Variants in IDE observed in about 807,000 individuals in gnomAD.
IDE encodes the protein insulin degrading enzyme.
In IDE, 58 loss-of-function variants were observed where a neutral mutation model predicts 133.2. The ratio of observed to expected loss-of-function variants is 0.44; its 90% confidence interval spans 0.35 to 0.54. The LOEUF is 0.54. Among genes scored for constraint, IDE ranks in the 20% least tolerant of loss-of-function variants. The probability of loss-of-function intolerance (pLI) is 0.00; values close to 1 mark genes in which losing one functional copy is unlikely to be tolerated. For synonymous variants in IDE, 396 were observed against 421.3 expected, an observed-to-expected ratio of 0.94 and a Z score of 0.73; for missense variants, 981 against 1,234.0, an observed-to-expected ratio of 0.79 and a Z score of 3.07.
chr10:92,516,948 T>C (rs1268903865), intron 4 of IDE, among the ~76,000 whole-genome samples: 1 of 152,230 alleles, frequency 6.6e-6, no homozygotes, highest in Admixed American at 6.5e-5. Context: ...GAAATTCCAA[T>C]GATCGGTGTC....
intron 1 of IDE, among the ~76,000 whole-genome samples, chr10:92,565,234 ACT>A (rs1284846594): frequency 1.4e-5 from 2 of 144,708 alleles, no homozygotes; most frequent in African/African-American, 2.5e-5. Context: ...ACAGAGCGAG[ACT>A]CTGTCTCAGA....
chr10:92,540,261 A>C lies in IDE; in HGVS notation c.99-2711T>G, dbSNP rs548551455. Among the ~76,000 whole-genome samples, 7 of 152,274 alleles carry C rather than the reference A, an allele frequency of 4.6e-5. No homozygotes were observed. In the East Asian group the frequency reaches 1.3e-3, roughly 29 times the overall value. On this transcript the variant is annotated intron_variant, in intron 1 of 24. Transcript: ENST00000265986. ...CTCCGTCTCAAAAGAAAAAAAAAAAAAACAGTTCTGGTTAAGACATTTGGC... is the reference window on the plus strand; with the variant it reads ...CTCCGTCTCAAAAGAAAAAAAAAAACAACAGTTCTGGTTAAGACATTTGGC...
At chr10:92,462,507 G>T (rs2135332839) in intron 21 of IDE, among the ~76,000 whole-genome samples, 1 of 152,186 alleles carries the variant, frequency 6.6e-6, no homozygotes, top group Admixed American at 6.5e-5. Context: ...TACTTGGGAG[G>T]CTGAGGCAGA....
chr10:92,514,168 T>G (rs760020777), intron 5 of IDE, among the ~76,000 whole-genome samples: 1 of 152,162 alleles, frequency 6.6e-6, no homozygotes, highest in Non-Finnish European at 1.5e-5. Flanking sequence ...CTTTTAAGAC[T>G]GATACTGTTA....
At chr10:92,456,308 A>T (rs1220500624) in intron 23 of IDE, 51 bp downstream of exon 23, 2 of 1,307,550 alleles carry the variant, frequency 1.5e-6, no homozygotes. Context: ...GACAAAGGCC[A>T]ACCATCAGAT....
At chr10:92,485,083 A>G (rs912430449) in intron 13 of IDE, among the ~76,000 whole-genome samples, 1 of 151,250 alleles carries the variant, frequency 6.6e-6, no homozygotes, top group African/African-American at 2.4e-5. Flanking sequence ...GTGTGAGATA[A>G]TAATTGTTGT....
intron 1 of IDE, among the ~76,000 whole-genome samples, chr10:92,571,663 T>C (rs1023505332): frequency 8.5e-5 from 13 of 152,220 alleles, no homozygotes; most frequent in East Asian, 1.9e-4. Flanking sequence ...TGTAAATGGA[T>C]TGATCTTACA....
At chr10:92,515,872 A>T (rs987621800) in intron 4 of IDE, among the ~76,000 whole-genome samples, 1 of 149,302 alleles carries the variant, frequency 6.7e-6, no homozygotes, top group Non-Finnish European at 1.5e-5. Context: ...AAAGTGTCTT[A>T]TAAAAATTAT....
chr10:92,545,232 T>C lies in IDE; in HGVS notation c.99-7682A>G, dbSNP rs548592286. On this transcript the variant is annotated intron_variant, in intron 1 of 24. Transcript: ENST00000265986. ...ACACTTCTTCTATTTCAACATTGTA[T>C]TGGTAGTTCTAACCAGTCCAAATAA... is the stretch of plus-strand genomic sequence containing the variant. Among the ~76,000 whole-genome samples, 13 of 152,244 alleles carry C rather than the reference T, an allele frequency of 8.5e-5. No homozygotes were observed. In the East Asian group the frequency reaches 2.1e-3, roughly 25 times the overall value.
intron 22 of IDE, among the ~76,000 whole-genome samples, chr10:92,459,035 T>C (rs1845205556): frequency 6.6e-6 from 1 of 152,156 alleles, no homozygotes; most frequent in Non-Finnish European, 1.5e-5. Context: ...CCAAAATGGG[T>C]CAAATCTCAT....
At chr10:92,516,349 C>T (rs981339151) in intron 4 of IDE, among the ~76,000 whole-genome samples, 8 of 151,840 alleles carry the variant, frequency 5.3e-5, no homozygotes, top group African/African-American at 1.7e-4. Context: ...CAAAAATTAG[C>T]CAGGCATGGT....
chr10:92,518,533 A>G (rs1849045777), intron 4 of IDE, among the ~76,000 whole-genome samples: 1 of 152,210 alleles, frequency 6.6e-6, no homozygotes, highest in Non-Finnish European at 1.5e-5. Context: ...CAACCTAGTC[A>G]ATCTGAAGAT....
At chr10:92,555,252 A>G (rs1275809770) in intron 1 of IDE, among the ~76,000 whole-genome samples, 1 of 152,144 alleles carries the variant, frequency 6.6e-6, no homozygotes. Flanking sequence ...TAATCCCAAC[A>G]CTTTGGGAGC....
At chr10:92,533,782 G>A (rs937627790) in intron 3 of IDE, among the ~76,000 whole-genome samples, 1 of 151,064 alleles carries the variant, frequency 6.6e-6, no homozygotes. Flanking sequence ...CCAGCACTCT[G>A]GGAGGCTGAG....
chr10:92,510,232 CT>C, intron 5 of IDE, 70 bp from the exon 6 acceptor site: 1 of 755,120 alleles, frequency 1.3e-6, no homozygotes, highest in South Asian at 1.7e-5. Context: ...TGCTTAAAAT[CT>C]TAGGATCTCC....
At chr10:92,540,374 A>T (rs977894868) in intron 1 of IDE, among the ~76,000 whole-genome samples, 1 of 152,252 alleles carries the variant, frequency 6.6e-6, no homozygotes, top group Non-Finnish European at 1.5e-5. Context: ...AATATAAATT[A>T]AACTATTTTT....
At chr10:92,514,581 C>T (rs1270166133) in intron 5 of IDE, among the ~76,000 whole-genome samples, 1 of 152,078 alleles carries the variant, frequency 6.6e-6, no homozygotes, top group African/African-American at 2.4e-5. Flanking sequence ...ACTACAGGTG[C>T]AGACTACCAC....
At chr10:92,552,096 A>G (rs902572264) in intron 1 of IDE, among the ~76,000 whole-genome samples, 2 of 152,240 alleles carry the variant, frequency 1.3e-5, no homozygotes, top group Non-Finnish European at 2.9e-5. Flanking sequence ...TAACCTAACA[A>G]CTATAAATGA....
chr10:92,539,741 C>T (rs1039869227), intron 1 of IDE, among the ~76,000 whole-genome samples: 1 of 149,760 alleles, frequency 6.7e-6, no homozygotes, highest in African/African-American at 2.5e-5. Flanking sequence ...TCCAGCCTGG[C>T]GACAGAGTGA....
Sources: allele counts gnomAD v4.1 joint callset (sites outside exome capture counted in the v4.1 genomes callset), GRCh38; gene constraint gnomAD v4.1.1; transcripts MANE v1.5; gene names NCBI Gene and HGNC (gene_info 2026-07-23, HGNC 2026-07-21).